The following WDSUB1 variants were observed in gnomAD, a reference collection of about 807,000 sequenced individuals.
WDSUB1 encodes WD repeat, sterile alpha motif and U-box domain containing 1.
A neutral mutation model predicts 53.9 loss-of-function variants in WDSUB1; 49 were observed. That is an observed-to-expected ratio of 0.91 (90% CI 0.72 to 1.15). WDSUB1 has a LOEUF of 1.15. Ranked by LOEUF, WDSUB1 falls within the 50% of genes most tolerant of loss-of-function variation. The probability of loss-of-function intolerance (pLI) is 0.00; values close to 1 mark genes in which losing one functional copy is unlikely to be tolerated. For synonymous variants in WDSUB1, 194 were observed against 200.6 expected, an observed-to-expected ratio of 0.97 and a Z score of 0.28; for missense variants, 514 against 562.0, an observed-to-expected ratio of 0.91 and a Z score of 0.86.
intron 5 of WDSUB1, among the ~76,000 whole-genome samples, chr2:159,267,212 C>T (rs1240677457): frequency 6.6e-6 from 1 of 152,166 alleles, no homozygotes; most frequent in African/African-American, 2.4e-5. Flanking sequence ...TCAATCTTCC[C>T]ATATCTGCAT....
intron 4 of WDSUB1, 25 bp downstream of exon 4, chr2:159,275,521 G>C (rs767045220): frequency 7.2e-6 from 11 of 1,525,222 alleles, no homozygotes; most frequent in Non-Finnish European, 9.7e-6. Context: ...AATAATTTTA[G>C]AGAAGCACTA....
At chr2:159,241,419 A>G (rs1165141610) in intron 10 of WDSUB1, among the ~76,000 whole-genome samples, 1 of 152,134 alleles carries the variant, frequency 6.6e-6, no homozygotes, top group Admixed American at 6.5e-5. Context: ...AAAATTAGCC[A>G]GACATGGTGG....
At chr2:159,264,029 T>G (rs1412885110) in intron 5 of WDSUB1, among the ~76,000 whole-genome samples, 1 of 152,192 alleles carries the variant, frequency 6.6e-6, no homozygotes, top group Non-Finnish European at 1.5e-5. Context: ...CTGCAGCTAG[T>G]TAAGTGGCAA....
chr2:159,266,055 T>C (rs1204111427), intron 5 of WDSUB1, among the ~76,000 whole-genome samples: 2 of 152,248 alleles, frequency 1.3e-5, no homozygotes, highest in Admixed American at 1.3e-4. Flanking sequence ...TAATATGCAA[T>C]AATCTATTGC....
intron 2 of WDSUB1, 135 bp from the exon 3 acceptor site, chr2:159,280,080 C>T (rs947865695): frequency 4.2e-6 from 3 of 713,116 alleles, no homozygotes; most frequent in Non-Finnish European, 6.6e-6. Flanking sequence ...ACAACTGATG[C>T]CTACAGAAAT....
At chr2:159,278,489 T>C (rs1341606501) in intron 3 of WDSUB1, among the ~76,000 whole-genome samples, 3 of 151,528 alleles carry the variant, frequency 2.0e-5, no homozygotes, top group Admixed American at 1.3e-4. Context: ...AATATAGAAT[T>C]AAAAATTGTG....
intron 10 of WDSUB1, among the ~76,000 whole-genome samples, chr2:159,243,412 T>C (rs577895878): frequency 6.8e-6 from 1 of 147,490 alleles, no homozygotes; most frequent in Admixed American, 6.6e-5. Flanking sequence ...TGTGTAGAGC[T>C]TCACACACAC....
At chr2:159,262,620 T>C (rs1405514407) in intron 5 of WDSUB1, among the ~76,000 whole-genome samples, 1 of 152,182 alleles carries the variant, frequency 6.6e-6, no homozygotes, top group Non-Finnish European at 1.5e-5. Flanking sequence ...GTTTAACTAA[T>C]GATGATTCCA....
intron 10 of WDSUB1, among the ~76,000 whole-genome samples, chr2:159,241,433 G>A (rs1447093160): frequency 3.9e-5 from 6 of 152,070 alleles, no homozygotes; most frequent in Admixed American, 1.3e-4. Context: ...ATGGTGGCAC[G>A]TGCCCATAAT....
Position 159,235,981 on chromosome 2 carries a change from A to G in WDSUB1, c.*52T>C. 6.7e-7 allele frequency: 1 copy of G among 1,502,568 alleles called. No individual in the cohort carries two copies. Among genetic ancestry groups the G allele is most frequent in the Non-Finnish European group, 8.9e-7 (1 of 1,120,680 alleles). 93.1% of individuals were successfully genotyped at this position (1,502,568 alleles called of 1,614,324 possible). A position where few individuals can be genotyped will look rare whatever the true frequency, so the allele number is the denominator to read the frequency against. ...TAATGTCTGATTAGTATTTACCTATAAATCATTCAAATGAGATCACTGAAA... is the reference window on the plus strand; with the variant it reads ...TAATGTCTGATTAGTATTTACCTATGAATCATTCAAATGAGATCACTGAAA... On this transcript the variant is annotated 3_prime_UTR_variant, in exon 11 of 11. Coordinates refer to ENST00000359774, the MANE Select transcript of WDSUB1 (RefSeq NM_001128212.3).
chr2:159,273,606 G>C (rs1446268979), intron 4 of WDSUB1, among the ~76,000 whole-genome samples: 2 of 152,000 alleles, frequency 1.3e-5, no homozygotes, highest in Non-Finnish European at 2.9e-5. Flanking sequence ...TTTTTGTCAA[G>C]ACAGGGTTTC....
At chr2:159,237,912 T>C (rs2060530634) in intron 10 of WDSUB1, among the ~76,000 whole-genome samples, 1 of 48,316 alleles carries the variant, frequency 2.1e-5, no homozygotes, top group Non-Finnish European at 6.3e-5. Flanking sequence ...AGAAGTAGGA[T>C]TGCTAAAGCA....
At chr2:159,259,171 G>A (rs77103715) in intron 6 of WDSUB1, among the ~76,000 whole-genome samples, 7,667 of 152,080 alleles carry the variant, frequency 0.05, 370 homozygotes, top group East Asian at 0.24. Flanking sequence ...CTACAGGGAC[G>A]CGCCACCACG....
intron 10 of WDSUB1, among the ~76,000 whole-genome samples, chr2:159,247,266 C>T (rs897537082): frequency 6.6e-6 from 1 of 152,180 alleles, no homozygotes; most frequent in Non-Finnish European, 1.5e-5. Flanking sequence ...TAAGACACTA[C>T]ATAATTAGTT....
chr2:159,269,446 C>T (rs1239570231), intron 5 of WDSUB1, among the ~76,000 whole-genome samples: 1 of 152,132 alleles, frequency 6.6e-6, no homozygotes, highest in African/African-American at 2.4e-5. Context: ...GCTGGGATTA[C>T]AGGCATGAAC....
intron 4 of WDSUB1, among the ~76,000 whole-genome samples, chr2:159,271,996 A>G (rs2061452387): frequency 6.6e-6 from 1 of 152,248 alleles, no homozygotes; most frequent in South Asian, 2.1e-4. Flanking sequence ...TGTTGACTAA[A>G]GAATAAAGTC....
At chr2:159,265,123 C>CAACA (rs1259389112) in intron 5 of WDSUB1, among the ~76,000 whole-genome samples, 14 of 146,372 alleles carry the variant, frequency 9.6e-5, no homozygotes, top group Admixed American at 3.4e-4. Flanking sequence ...ACAACAACAA[C>CAACA]AAAAAAAAAC....
chr2:159,271,506 T>A (rs1329158300), intron 5 of WDSUB1, among the ~76,000 whole-genome samples, 196 bp downstream of exon 5: 2 of 151,802 alleles, frequency 1.3e-5, no homozygotes, highest in African/African-American at 2.4e-5. Context: ...ACAGCAGTAG[T>A]GCATATGATC....
chr2:159,286,499 ACGCCCCGCGCGAGCAGGCCCAGC>A (rs72229999), intron 1 of WDSUB1, 61 bp downstream of exon 1: 41,587 of 152,208 alleles, frequency 0.27, 7,170 homozygotes, highest in Admixed American at 0.47. Context: ...GAGGGCTCAG[ACGCCCCGCGCGAGCAGGCCCAGC>A]CGCGCTTCCC....
Sources: allele counts gnomAD v4.1 joint callset (sites outside exome capture counted in the v4.1 genomes callset), GRCh38; gene constraint gnomAD v4.1.1; transcripts MANE v1.5; gene names NCBI Gene and HGNC (gene_info 2026-07-23, HGNC 2026-07-21).